The following MSH3 variants were observed in gnomAD, a reference collection of about 807,000 sequenced individuals.
MSH3 encodes the protein DNA mismatch repair protein Msh3.
A neutral mutation model predicts 123.3 loss-of-function variants in MSH3; 106 were observed. The ratio of observed to expected loss-of-function variants is 0.86; its 90% CI spans 0.73 to 1.01. MSH3 has a LOEUF of 1.01. Among genes scored for constraint, MSH3 ranks in the 50% least tolerant of loss-of-function variants. The probability of loss-of-function intolerance (pLI) is 0.00; values close to 1 mark genes in which losing one functional copy is unlikely to be tolerated. For synonymous variants in MSH3, 515 were observed against 481.4 expected (o/e 1.07, Z -0.91); for missense variants, 1,459 against 1,347.6 (o/e 1.08, Z -1.29).
intron 14 of MSH3, among the ~76,000 whole-genome samples, chr5:80,768,466 A>G (rs1427530616): frequency 1.3e-5 from 2 of 152,140 alleles, no homozygotes; most frequent in African/African-American, 4.8e-5. Flanking sequence ...ATGTCTTTAT[A>G]TTTAGAATCT....
At chr5:80,661,017 T>A (rs1188980397) in intron 2 of MSH3, among the ~76,000 whole-genome samples, 1 of 152,208 alleles carries the variant, frequency 6.6e-6, no homozygotes, top group Non-Finnish European at 1.5e-5. Context: ...CATGTTGGTC[T>A]TGAACTCCTG....
rs1283702618 is a variant in MSH3, at chr5:80,672,766, C to A, written c.935C>A (p.Thr312Asn). The A allele has an allele frequency of 6.2e-7, 1 of 1,613,942 alleles. No individual in the cohort carries two copies. The highest frequency in any genetic ancestry group is 1.1e-5 in the South Asian group (1 of 91,090). The change falls in exon 6 of 24, where the codon ACT becomes AAT. Residue 312 changes from threonine to asparagine, a missense_variant. By Grantham distance (65) the Thr-to-Asn change is moderately conservative. Coordinates refer to ENST00000265081, the MANE Select transcript of MSH3 (RefSeq NM_002439.5). ...GTGGGAGTTGTGAAGCAAACTGAAA[C>A]TGCAGCATTAAAGGCCATTGGAGAC... Reference protein sequence around the residue: ...YKVGVVKQTETAALKAIGDNR... With the variant: ...YKVGVVKQTENAALKAIGDNR...
At chr5:80,768,646 A>G (rs1416089875) in intron 14 of MSH3, among the ~76,000 whole-genome samples, 189 bp from the exon 15 acceptor site, 1 of 152,168 alleles carries the variant, frequency 6.6e-6, no homozygotes, top group African/African-American at 2.4e-5. Context: ...AAAAAGCAGA[A>G]ATGATTTTAG....
chr5:80,763,377 A>T (rs1744074751), intron 13 of MSH3, among the ~76,000 whole-genome samples: 1 of 152,196 alleles, frequency 6.6e-6, no homozygotes, highest in Admixed American at 6.5e-5. Context: ...TGAGTTGGTT[A>T]TGGGGCCGGG....
chr5:80,709,492 G>T (rs1293391518), intron 8 of MSH3, among the ~76,000 whole-genome samples: 1 of 151,968 alleles, frequency 6.6e-6, no homozygotes, highest in Non-Finnish European at 1.5e-5. Context: ...CGCAGTGGCG[G>T]GTGCCTGTAG....
intron 8 of MSH3, among the ~76,000 whole-genome samples, chr5:80,709,211 G>A (rs74510033): frequency 1.2e-5 from 1 of 80,266 alleles, no homozygotes; most frequent in Non-Finnish European, 3.1e-5. Context: ...AAATAGATAT[G>A]TGTGTGTGTG....
chr5:80,726,703 A>C (rs557729990), intron 9 of MSH3, among the ~76,000 whole-genome samples: 1 of 152,204 alleles, frequency 6.6e-6, no homozygotes, highest in Admixed American at 6.5e-5. Context: ...TCCTGGGCTC[A>C]AACGATCCTC....
intron 20 of MSH3, among the ~76,000 whole-genome samples, chr5:80,844,951 A>G (rs918969821): frequency 6.6e-6 from 1 of 152,178 alleles, no homozygotes; most frequent in African/African-American, 2.4e-5. Flanking sequence ...TTTTGCTGTT[A>G]GCTGGTTATT....
At chr5:80,806,325 G>A (rs986521678) in intron 19 of MSH3, among the ~76,000 whole-genome samples, 3 of 151,744 alleles carry the variant, frequency 2.0e-5, no homozygotes, top group African/African-American at 2.4e-5. Context: ...TCGAACTCCT[G>A]ACCTCAGATG....
chr5:80,807,159 C>G (rs542332473), intron 19 of MSH3, among the ~76,000 whole-genome samples: 10 of 132,844 alleles, frequency 7.5e-5, no homozygotes, highest in African/African-American at 2.9e-4. Flanking sequence ...CCACTGCACT[C>G]TAGCCCAGGT....
chr5:80,766,631 C>T (rs1208261276), intron 13 of MSH3, among the ~76,000 whole-genome samples: 1 of 152,118 alleles, frequency 6.6e-6, no homozygotes, highest in Non-Finnish European at 1.5e-5. Flanking sequence ...GCGTGAGTCA[C>T]TGCGTCTGGC....
intron 3 of MSH3, among the ~76,000 whole-genome samples, chr5:80,666,626 A>G (rs146949994): frequency 6.6e-6 from 1 of 152,342 alleles, no homozygotes; most frequent in African/African-American, 2.4e-5. Flanking sequence ...GAGCGTATAC[A>G]TTATTGCTTT....
rs189777708 is a variant in MSH3, at chr5:80,721,234, C to T, written c.1341-4219C>T. 1.3e-3 allele frequency among the ~76,000 whole-genome samples: 195 copies of T among 152,268 alleles called. 1 individual carries two copies. Among genetic ancestry groups the T allele is most frequent in the Non-Finnish European group, 2.2e-3 (148 of 68,010 alleles). ...CAGCTCATTTTCTCCTGGCTCTGTT[C>T]TGTAGTACTTTTGTCTTTTTAACAA... is the stretch of plus-strand genomic sequence containing the variant. On this transcript the variant is annotated intron_variant, in intron 8 of 23. Coordinates refer to ENST00000265081, the MANE Select transcript of MSH3 (RefSeq NM_002439.5).
Position 80,728,892 on chromosome 5 carries a change from G to A in MSH3, c.1495G>A (p.Val499Met). 1 of 1,612,312 alleles carries A rather than the reference G, an allele frequency of 6.2e-7. No homozygotes were observed. The highest frequency in any genetic ancestry group is 2.2e-5 in the East Asian group (1 of 44,846). Residue 499 changes from valine to methionine, a missense_variant, in exon 10 of 24, where the codon GTG (valine) becomes ATG (methionine). Physicochemically the swap from Val to Met is conservative, Grantham distance 21 (BLOSUM62 1). Transcript: ENST00000265081. ...ISGIVNLEKP[V>M]ICSLAAIIKY... is the part of the protein sequence containing the mutation. Reference sequence around the variant, plus strand: ...TGGCATTGTTAACTTAGAGAAGCCTGTGATTTGCTCTTTGGCTGCCATCAT... The same window carrying A: ...TGGCATTGTTAACTTAGAGAAGCCTATGATTTGCTCTTTGGCTGCCATCAT...
chr5:80,656,589 T>C, intron 2 of MSH3, 58 bp downstream of exon 2: 2 of 1,608,900 alleles, frequency 1.2e-6, no homozygotes, highest in Non-Finnish European at 8.5e-7. Context: ...TCTGGAATTC[T>C]CCAGAGGGCA....
chr5:80,809,475 A>C (rs1333397820), intron 19 of MSH3, among the ~76,000 whole-genome samples: 1 of 152,206 alleles, frequency 6.6e-6, no homozygotes, highest in Non-Finnish European at 1.5e-5. Flanking sequence ...GGTTTCTACA[A>C]AATAAAAAGT....
At position 80,744,623 on chromosome 5, in the gene MSH3, G is replaced by A. The variant is rs1580599497; in HGVS notation, c.1763+8G>A. Reference sequence around the variant, plus strand: ...GCCACTCCTTAAATTAAGGTAAAAGGAATTCTTTTTGGGGTGTTTAATCTG... The same window carrying A: ...GCCACTCCTTAAATTAAGGTAAAAGAAATTCTTTTTGGGGTGTTTAATCTG... On this transcript the variant is annotated splice_region_variant and intron_variant, in intron 12 of 23. Transcript: ENST00000265081. 1 of 1,592,646 alleles carries A rather than the reference G, an allele frequency of 6.3e-7. No individual in the cohort carries two copies. Among genetic ancestry groups the A allele is most frequent in the Non-Finnish European group, 8.6e-7 (1 of 1,161,374 alleles).
chr5:80,661,430 G>A (rs1479885532), intron 2 of MSH3, among the ~76,000 whole-genome samples: 1 of 151,988 alleles, frequency 6.6e-6, no homozygotes, highest in East Asian at 1.9e-4. Context: ...TGTCTAATCT[G>A]CTGTAAATCT....
At chr5:80,680,219 C>T (rs1749944768) in intron 8 of MSH3, among the ~76,000 whole-genome samples, 1 of 151,264 alleles carries the variant, frequency 6.6e-6, no homozygotes, top group South Asian at 2.1e-4. Context: ...AAGATCACAC[C>T]ACTTCACTCC....
Sources: allele counts gnomAD v4.1 joint callset (sites outside exome capture counted in the v4.1 genomes callset), GRCh38; gene constraint gnomAD v4.1.1; transcripts MANE v1.5; gene names NCBI Gene and HGNC (gene_info 2026-07-23, HGNC 2026-07-21).